Variants in RBM39 observed in about 807,000 individuals in gnomAD.
RBM39 encodes the protein RNA-binding protein 39.
A neutral mutation model predicts 79.6 loss-of-function variants in RBM39; 12 were observed. The observed-to-expected ratio is 0.15, with a 90% confidence interval of 0.10 to 0.24. RBM39 has a LOEUF of 0.24. Ranked by LOEUF, RBM39 falls within the 10% of genes least tolerant of loss-of-function variation. RBM39 has a pLI of 1.00. For synonymous variants in RBM39, 185 were observed against 208.4 expected, an observed-to-expected ratio of 0.89 and a Z score of 0.97; for missense variants, 243 against 653.4, an observed-to-expected ratio of 0.37 and a Z score of 6.85.
chr20:35,724,059 T>C (rs1420371681), intron 8 of RBM39, among the ~76,000 whole-genome samples: 1 of 151,708 alleles, frequency 6.6e-6, no homozygotes, highest in Non-Finnish European at 1.5e-5. Flanking sequence ...AGGCCAGGTG[T>C]GGTGGCTCAC....
chr20:35,735,206 A>C (rs2039779332), intron 3 of RBM39: 2 of 1,304,720 alleles, frequency 1.5e-6, no homozygotes, highest in African/African-American at 3.0e-5. Context: ...TAATTCTCTA[A>C]AGAGCTTAAC....
At position 35,703,034 on chromosome 20, in the gene RBM39, T is replaced by G. The variant is rs957820469; in HGVS notation, c.*1447A>C. The G allele has an allele frequency of 3.3e-5, 5 of 151,994 alleles. No individual in the cohort carries two copies. Among genetic ancestry groups the G allele is most frequent in the Admixed American group, 1.3e-4 (2 of 15,258 alleles). The allele number at this position is 151,994 out of a possible 1,614,324, so 9.4% of individuals were successfully genotyped here. A position where few individuals can be genotyped will look rare whatever the true frequency, so the allele number is the denominator to read the frequency against. On this transcript the variant is annotated 3_prime_UTR_variant, in exon 17 of 17. Transcript: ENST00000253363. ...TGAATAAGCCTGTAAAACTTGTGCT[T>G]CAATGCTAACAAAAAAAAAAGTTGA...
rs11479374 is a variant in RBM39, at chr20:35,722,938, GAA to G, written c.688-1063_688-1062del. ...GACAGAGCGAGACTCCGTCTCAAGAGAAAAAAAAAAAAAAAAGTAAGCAGGCT... is the reference window on the plus strand; with the variant it reads ...GACAGAGCGAGACTCCGTCTCAAGAGAAAAAAAAAAAAAAGTAAGCAGGCT... On this transcript the variant is annotated intron_variant, in intron 8 of 16. Transcript: ENST00000253363. 1.5e-3 allele frequency among the ~76,000 whole-genome samples: 146 copies of G among 97,592 alleles called. 1 individual carries two copies. The highest frequency in any genetic ancestry group is 4.7e-3 in the African/African-American group (134 of 28,298). 64.0% of individuals were successfully genotyped at this position (97,592 alleles called of 152,430 possible). A position where few individuals can be genotyped will look rare whatever the true frequency, so the allele number is the denominator to read the frequency against.
intron 3 of RBM39, among the ~76,000 whole-genome samples, chr20:35,738,183 A>C (rs888731079): frequency 2.2e-4 from 32 of 147,762 alleles, no homozygotes; most frequent in African/African-American, 7.8e-4. Flanking sequence ...TCAAAGAATC[A>C]CTTGAACCCA....
chr20:35,738,155 C>CA (rs200376506), intron 3 of RBM39, among the ~76,000 whole-genome samples: 27,848 of 147,544 alleles, frequency 0.19, 2,963 homozygotes, highest in African/African-American at 0.31. Context: ...GACTCCATGT[C>CA]AAAGAAAAAA....
In RBM39 at chr20:35,704,427, G is replaced by C; in HGVS notation, c.*54C>G. 8.1e-7 allele frequency: 1 copy of C among 1,240,546 alleles called. No homozygotes were observed. Among genetic ancestry groups the C allele is most frequent in the Non-Finnish European group, 1.1e-6 (1 of 872,782 alleles). 76.8% of individuals were successfully genotyped at this position (1,240,546 alleles called of 1,614,324 possible). Reference sequence around the variant, plus strand: ...TTTATCTAAATAAAAGATAACTCAAGATGAATTCTCAAGAAAGAAAAAAAG... The same window carrying C: ...TTTATCTAAATAAAAGATAACTCAACATGAATTCTCAAGAAAGAAAAAAAG... On this transcript the variant is annotated 3_prime_UTR_variant, in exon 17 of 17. Transcript: ENST00000253363.
intron 9 of RBM39, among the ~76,000 whole-genome samples, chr20:35,718,282 C>T (rs1275904535): frequency 6.8e-6 from 1 of 146,724 alleles, no homozygotes; most frequent in Non-Finnish European, 1.5e-5. Context: ...CAAAACAAAA[C>T]AAAAAAAAAA....
chr20:35,732,314 T>A, intron 3 of RBM39, 179 bp from the exon 4 acceptor site: 1 of 626,306 alleles, frequency 1.6e-6, no homozygotes. Flanking sequence ...TCTCAGCACT[T>A]TGGTAGGCCG....
intron 9 of RBM39, among the ~76,000 whole-genome samples, chr20:35,720,461 G>T (rs2037758381): frequency 6.6e-6 from 1 of 151,920 alleles, no homozygotes; most frequent in Non-Finnish European, 1.5e-5. Flanking sequence ...CTCCACCTAA[G>T]ATCCATGTTA....
intron 11 of RBM39, 38 bp downstream of exon 11, chr20:35,714,147 C>A (rs1279634411): frequency 2.5e-6 from 4 of 1,587,384 alleles, no homozygotes; most frequent in East Asian, 2.2e-5. Flanking sequence ...CACTACAATA[C>A]CCACAGTAAA....
intron 14 of RBM39, 93 bp from the exon 15 acceptor site, chr20:35,705,423 TA>T (rs912357095): frequency 1.7e-4 from 123 of 718,686 alleles, no homozygotes; most frequent in South Asian, 2.1e-4. Context: ...TTCTATGAAT[TA>T]AAAAAAATAC....
In RBM39 at chr20:35,720,604, T is replaced by TAA. The variant is rs61224365; in HGVS notation, c.825+1134_825+1135dup. ...GGCCAACATGGTAAAGCCCTGTCTC[T>TAA]AAAAAAAAAAAAAAAAATTAGTCGA... On this transcript the variant is annotated intron_variant, in intron 9 of 16. Transcript: ENST00000253363. Among the ~76,000 whole-genome samples the TAA allele has an allele frequency of 2.0e-3, 256 of 130,952 alleles. 1 individual carries two copies. Among genetic ancestry groups the TAA allele is most frequent in the African/African-American group, 6.6e-3 (233 of 35,274 alleles). 85.9% of individuals were successfully genotyped at this position (130,952 alleles called of 152,430 possible).
At chr20:35,736,745 G>T in intron 3 of RBM39, 1 of 352,322 alleles carries the variant, frequency 2.8e-6, no homozygotes, top group Non-Finnish European at 5.8e-6. Context: ...CTGCCTCCCA[G>T]GTTCAAGCGA....
chr20:35,721,031 T>C (rs544441439), intron 9 of RBM39, among the ~76,000 whole-genome samples: 2 of 152,202 alleles, frequency 1.3e-5, no homozygotes, highest in East Asian at 3.9e-4. Context: ...CTGCCTCCTA[T>C]ATTCAAGGGA....
At chr20:35,739,730 C>T (rs2040325588) in intron 2 of RBM39, 1 of 332,190 alleles carries the variant, frequency 3.0e-6, no homozygotes. Context: ...CAGAAAGTAG[C>T]TCTTCAAGAG....
At chr20:35,705,973 G>A (rs1051237838) in intron 14 of RBM39, among the ~76,000 whole-genome samples, 5 of 152,194 alleles carry the variant, frequency 3.3e-5, no homozygotes, top group East Asian at 3.9e-4. Flanking sequence ...AAGCTGAGGC[G>A]GGCACATCAC....
At chr20:35,736,780 G>C (rs565279385) in intron 3 of RBM39, 1 of 344,942 alleles carries the variant, frequency 2.9e-6, no homozygotes, top group African/African-American at 2.2e-5. Flanking sequence ...CCTCCCGAGA[G>C]TAGCTGGGAC....
At chr20:35,707,464 T>G in intron 13 of RBM39, 1 of 262,344 alleles carries the variant, frequency 3.8e-6, no homozygotes, top group Non-Finnish European at 7.3e-6. Flanking sequence ...TTATGTGTTA[T>G]CAAAATCAGT....
intron 14 of RBM39, among the ~76,000 whole-genome samples, chr20:35,706,633 C>T (rs1043118690): frequency 1.3e-5 from 2 of 152,130 alleles, no homozygotes; most frequent in Admixed American, 1.3e-4. Context: ...CATTCTAATG[C>T]TAATAGTTAT....
Sources: gnomAD v4.1 joint callset for allele counts (sites outside exome capture counted in the v4.1 genomes callset) on GRCh38, gnomAD v4.1.1 for gene constraint, MANE v1.5 for transcripts, NCBI Gene and HGNC (gene_info 2026-07-23, HGNC 2026-07-21) for gene names.